Variants in KCNQ3 observed in about 807,000 individuals in gnomAD.
The protein encoded by KCNQ3 is potassium voltage-gated channel subfamily Q member 3.
A neutral mutation model predicts 92.5 loss-of-function variants in KCNQ3; 30 were observed. The observed-to-expected ratio is 0.32, with a 90% CI of 0.24 to 0.44. The LOEUF (loss-of-function observed/expected upper bound fraction) is 0.44, where lower values mean the gene tolerates loss of function less well. Among genes scored for constraint, KCNQ3 ranks in the 20% least tolerant of loss-of-function variants. The pLI is 1.00. For missense variants in KCNQ3, 913 were observed against 1,140.3 expected (o/e 0.80, Z 2.87); for synonymous variants, 450 against 468.8 (o/e 0.96, Z 0.52).
chr8:132,278,867 A>C (rs1360220900), intron 1 of KCNQ3, among the ~76,000 whole-genome samples: 1 of 152,180 alleles, frequency 6.6e-6, no homozygotes, highest in African/African-American at 2.4e-5. Context: ...CAAAAGCTAG[A>C]TGCCTGGTCC....
At chr8:132,249,971 T>C (rs1486858687) in intron 1 of KCNQ3, among the ~76,000 whole-genome samples, 2 of 152,144 alleles carry the variant, frequency 1.3e-5, no homozygotes, top group Non-Finnish European at 2.9e-5. Flanking sequence ...GCCGAGCCCA[T>C]GCCCACCCGG....
chr8:132,139,595 T>C (rs780103367), intron 11 of KCNQ3, among the ~76,000 whole-genome samples: 2 of 152,158 alleles, frequency 1.3e-5, no homozygotes, highest in Non-Finnish European at 2.9e-5. Context: ...AAAACAGAAA[T>C]AGGTAGAATG....
chr8:132,213,424 C>T (rs934054203), intron 1 of KCNQ3, among the ~76,000 whole-genome samples: 1 of 152,170 alleles, frequency 6.6e-6, no homozygotes, highest in Non-Finnish European at 1.5e-5. Flanking sequence ...ACTCCCTCTG[C>T]CCCAGAGTTG....
intron 1 of KCNQ3, among the ~76,000 whole-genome samples, chr8:132,383,930 G>A (rs1268060371): frequency 6.6e-6 from 1 of 152,180 alleles, no homozygotes; most frequent in African/African-American, 2.4e-5. Context: ...GGTTAAATGA[G>A]TGAATAGAGG....
intron 9 of KCNQ3, among the ~76,000 whole-genome samples, chr8:132,143,635 T>C (rs1825364930): frequency 6.6e-6 from 1 of 152,180 alleles, no homozygotes; most frequent in African/African-American, 2.4e-5. Flanking sequence ...TTTTCATAGA[T>C]GTTTAAGGGT....
At chr8:132,195,626 T>A (rs1329255797) in intron 1 of KCNQ3, among the ~76,000 whole-genome samples, 5 of 152,218 alleles carry the variant, frequency 3.3e-5, no homozygotes, top group African/African-American at 1.2e-4. Context: ...AACCCCTGTC[T>A]AAATACAGCT....
At chr8:132,396,988 G>A (rs1224806780) in intron 1 of KCNQ3, among the ~76,000 whole-genome samples, 1 of 151,846 alleles carries the variant, frequency 6.6e-6, no homozygotes, top group African/African-American at 2.4e-5. Flanking sequence ...GAGAAAGAGA[G>A]AGAGAGAGAG....
chr8:132,424,777 G>A (rs1385697552), intron 1 of KCNQ3, among the ~76,000 whole-genome samples: 9 of 152,054 alleles, frequency 5.9e-5, no homozygotes, highest in Admixed American at 5.9e-4. Flanking sequence ...GGTGTTCCTG[G>A]GCTTCTGACT....
chr8:132,441,210 G>A (rs529191697), intron 1 of KCNQ3, among the ~76,000 whole-genome samples: 7 of 152,296 alleles, frequency 4.6e-5, no homozygotes, highest in African/African-American at 1.4e-4. Flanking sequence ...GAATAGTGTT[G>A]CAATGAACAT....
At chr8:132,414,349 A>G (rs1380551693) in intron 1 of KCNQ3, among the ~76,000 whole-genome samples, 1 of 152,174 alleles carries the variant, frequency 6.6e-6, no homozygotes, top group African/African-American at 2.4e-5. Flanking sequence ...AGCAGAGCTG[A>G]GAGATGCCTG....
chr8:132,239,150 C>A (rs568949307), intron 1 of KCNQ3, among the ~76,000 whole-genome samples: 2 of 152,298 alleles, frequency 1.3e-5, no homozygotes, highest in South Asian at 4.1e-4. Flanking sequence ...TAATTAAGCC[C>A]AACTCTGAAA....
At chr8:132,278,899 T>C (rs1816423253) in intron 1 of KCNQ3, among the ~76,000 whole-genome samples, 1 of 152,106 alleles carries the variant, frequency 6.6e-6, no homozygotes, top group East Asian at 1.9e-4. Flanking sequence ...TGCACATTAG[T>C]ATCAGTAGAG....
chr8:132,137,835 T>C lies in KCNQ3; in HGVS notation c.1700+50A>G, dbSNP rs1388402296. 1.9e-6 allele frequency: 3 copies of C among 1,607,388 alleles called. No individual in the cohort carries two copies. The Admixed American group carries it at 5.0e-5, about 27-fold the overall frequency. On this transcript the variant is annotated intron_variant, in intron 12 of 14. Transcript: ENST00000388996. ...ATACCTCTCACCTTAAACTCTAAGG[T>C]TCATAGGGCTTTGAGGGGAGCGCAG... is the stretch of plus-strand genomic sequence containing the variant.
intron 1 of KCNQ3, among the ~76,000 whole-genome samples, chr8:132,228,666 A>T (rs1814520013): frequency 6.6e-6 from 1 of 151,126 alleles, no homozygotes; most frequent in South Asian, 2.1e-4. Context: ...AAGGTTCAGT[A>T]TGTTTTTGGG....
chr8:132,182,882 GCA>G (rs3993055), intron 3 of KCNQ3, among the ~76,000 whole-genome samples: 37,547 of 145,628 alleles, frequency 0.26, 4,881 homozygotes, highest in African/African-American at 0.36. Flanking sequence ...CTCCAATATC[GCA>G]CACACACACA....
At chr8:132,401,941 C>G (rs1312260955) in intron 1 of KCNQ3, among the ~76,000 whole-genome samples, 1 of 144,450 alleles carries the variant, frequency 6.9e-6, no homozygotes, top group East Asian at 2.1e-4. Flanking sequence ...GGACACTGAA[C>G]ACTTCTGAGT....
chr8:132,166,984 T>C (rs1440801560), intron 8 of KCNQ3, among the ~76,000 whole-genome samples: 1 of 152,182 alleles, frequency 6.6e-6, no homozygotes, highest in East Asian at 1.9e-4. Context: ...TGAATGTTCA[T>C]AGCAGCATTA....
intron 1 of KCNQ3, among the ~76,000 whole-genome samples, chr8:132,235,575 T>G (rs997983935): frequency 1.2e-4 from 18 of 152,140 alleles, no homozygotes; most frequent in Non-Finnish European, 2.5e-4. Flanking sequence ...TGACCACACA[T>G]GAAAAACAAT....
chr8:132,191,685 T>C (rs1180956895), intron 1 of KCNQ3, among the ~76,000 whole-genome samples: 1 of 151,318 alleles, frequency 6.6e-6, no homozygotes, highest in Non-Finnish European at 1.5e-5. Flanking sequence ...TCTCTATCTG[T>C]AATCTCTATC....
Sources: allele counts gnomAD v4.1 joint callset (sites outside exome capture counted in the v4.1 genomes callset), GRCh38; gene constraint gnomAD v4.1.1; transcripts MANE v1.5; gene names NCBI Gene and HGNC (gene_info 2026-07-23, HGNC 2026-07-21).